Variants in RRM2 observed in about 807,000 individuals in gnomAD.
The protein encoded by RRM2 is ribonucleotide reductase regulatory subunit M2.
RRM2 carries 6 observed loss-of-function variants against 45.9 expected under a neutral mutation model. The ratio of observed to expected loss-of-function variants is 0.13; its 90% CI spans 0.07 to 0.26. RRM2 has a LOEUF of 0.26. RRM2 is among the 10% of genes least tolerant of loss of function. RRM2 has a pLI of 1.00. For missense variants in RRM2, 343 were observed against 489.5 expected, an observed-to-expected ratio of 0.70 and a Z score of 2.82; for synonymous variants, 177 against 173.0, an observed-to-expected ratio of 1.02 and a Z score of -0.18.
Position 10,123,757 on chromosome 2 carries a change from C to G in RRM2, c.340C>G (p.Gln114Glu), listed in dbSNP as rs779484966. The change falls in exon 4 of 10, where the codon CAG becomes GAG. Residue 114 changes from glutamine (Q) to glutamate (E), a missense_variant. Transcript: ENST00000304567. ...TCAGGTGGACCTCTCCAAGGACATT[C>G]AGCACTGGGAATCCCTGAAACCCGA... ...AEEVDLSKDIQHWESLKPEER... is the reference protein window; with the variant it reads ...AEEVDLSKDIEHWESLKPEER... 3 of 1,608,818 alleles carry G rather than the reference C, an allele frequency of 1.9e-6. No homozygotes were observed. The highest frequency in any genetic ancestry group is 1.1e-5 in the South Asian group (1 of 90,944).
chr2:10,131,007 T>A lies in RRM2; in HGVS notation c.*1621T>A, dbSNP rs1284645672. The A allele has an allele frequency of 6.6e-6, 1 of 152,242 alleles. No homozygotes were observed. The highest frequency in any genetic ancestry group is 2.4e-5 in the African/African-American group (1 of 41,466). 9.4% of individuals were successfully genotyped at this position (152,242 alleles called of 1,614,324 possible). On this transcript the variant is annotated 3_prime_UTR_variant, in exon 10 of 10. Transcript: ENST00000304567. ...ACATTGCATGAAAGATGATGAGAGA[T>A]AAATGTTGATCTTTTGGCCCCATTT... is the stretch of plus-strand genomic sequence containing the variant.
chr2:10,204,197 G>C lies in RRM2; in HGVS notation n.483-6114G>C, dbSNP rs1330123660. 1.3e-5 allele frequency among the ~76,000 whole-genome samples: 2 copies of C among 152,098 alleles called. No individual in the cohort carries two copies. The highest frequency in any genetic ancestry group is 2.9e-5 in the Non-Finnish European group (2 of 68,032). On this transcript the variant is annotated intron_variant and non_coding_transcript_variant, in intron 3 of 3. Coordinates refer to the RRM2 transcript ENST00000381786. This position sits in a 1 kb window ranked among gnomAD's most constrained non-coding sequence, Gnocchi z 4.0. Reference sequence around the variant, plus strand: ...GATAGACTTCTTTCACCTGGGGCCTGGCTTCGTCCAACAGCAGAGCCCAAC... The same window carrying C: ...GATAGACTTCTTTCACCTGGGGCCTCGCTTCGTCCAACAGCAGAGCCCAAC...
At chr2:10,202,416 A>G (rs1196873691) in intron 3 of RRM2, among the ~76,000 whole-genome samples, 1 of 152,240 alleles carries the variant, frequency 6.6e-6, no homozygotes, top group Non-Finnish European at 1.5e-5. Context: ...AAACATGAAA[A>G]GCGGCTCAAC....
At chr2:10,190,408 GTGA>G (rs1267687048) in intron 3 of RRM2, among the ~76,000 whole-genome samples, 1 of 140,584 alleles carries the variant, frequency 7.1e-6, no homozygotes, top group Non-Finnish European at 1.5e-5. Context: ...GGTGATGGTG[GTGA>G]TGGGGGGGTT....
rs998674791 is a variant in RRM2 at position 10,172,372 on chromosome 2, G to A, written n.482+29997G>A. On this transcript the variant is annotated intron_variant and non_coding_transcript_variant, in intron 3 of 3. Transcript: ENST00000381786. The surrounding 1 kb of genome is among the most constrained non-coding windows in gnomAD (Gnocchi z 4.9). Reference sequence around the variant, plus strand: ...TGACCCTGCTCCGGAGGGACCAGGGGAGGGGCGGACGGAGGACACTGCTTC... The same window carrying A: ...TGACCCTGCTCCGGAGGGACCAGGGAAGGGGCGGACGGAGGACACTGCTTC... Among the ~76,000 whole-genome samples, 2 of 152,148 alleles carry A rather than the reference G, an allele frequency of 1.3e-5. No homozygotes were observed. Among genetic ancestry groups the A allele is most frequent in the Non-Finnish European group, 2.9e-5 (2 of 68,016 alleles).
intron 3 of RRM2, among the ~76,000 whole-genome samples, chr2:10,142,981 C>G (rs558749425): frequency 6.6e-6 from 1 of 152,366 alleles, no homozygotes; most frequent in South Asian, 2.1e-4. Flanking sequence ...TCATGCCGTT[C>G]TCCGGCCTCA....
Position 10,127,770 on chromosome 2 carries a change from C to T in RRM2, c.798+550C>T, listed in dbSNP as rs1270738948. ...GTGCTGGGATTATAGGCATGAGCCA[C>T]CATGCCCAGCCAAAACTACAAGTTA... On this transcript the variant is annotated intron_variant, in intron 7 of 9. Transcript: ENST00000304567. This position sits in a 1 kb window ranked among gnomAD's most constrained non-coding sequence, Gnocchi z 4.1. Among the ~76,000 whole-genome samples, 1 of 152,044 alleles carries T rather than the reference C, an allele frequency of 6.6e-6. No individual in the cohort carries two copies. Among genetic ancestry groups the T allele is most frequent in the East Asian group, 1.9e-4 (1 of 5,166 alleles).
downstream of RRM2, among the ~76,000 whole-genome samples, chr2:10,132,552 GTCTT>G (rs1662921597): frequency 6.6e-6 from 1 of 152,138 alleles, no homozygotes; most frequent in African/African-American, 2.4e-5. Flanking sequence ...ATTTTTATCT[GTCTT>G]TATATTTATA....
At chr2:10,123,204 CT>C in intron 2 of RRM2, 147 bp downstream of exon 2, 1 of 1,280,852 alleles carries the variant, frequency 7.8e-7, no homozygotes, top group Non-Finnish European at 1.0e-6. Context: ...TCCCGCGCCC[CT>C]CGGCCCATTT....
In RRM2 at chr2:10,195,991, G is replaced by C. The variant is rs1055321254; in HGVS notation, n.483-14320G>C. Among the ~76,000 whole-genome samples the C allele has an allele frequency of 6.6e-6, 1 of 152,248 alleles. No individual in the cohort carries two copies. The highest frequency in any genetic ancestry group is 1.5e-5 in the Non-Finnish European group (1 of 68,042). The stretch of plus-strand genomic sequence containing the variant: ...AGCTGCAGCCGTCTTGCTACCAGCA[G>C]GGCAAGGCAGAGCCGGCCGCCCAGG... On this transcript the variant is annotated intron_variant and non_coding_transcript_variant, in intron 3 of 3. Transcript: ENST00000381786. This position sits in a 1 kb window ranked among gnomAD's most constrained non-coding sequence, Gnocchi z 4.9.
Position 10,123,737 on chromosome 2 carries a change from T to G in RRM2, c.320T>G (p.Val107Gly), listed in dbSNP as rs13400205. The change falls in exon 4 of 10, where the codon GTG becomes GGG. Residue 107 changes from valine to glycine, a missense_variant and splice_region_variant. Physicochemically the swap from Val to Gly is moderately radical, Grantham distance 109 (BLOSUM62 -3). Around this residue, in one of 2 missense-constraint regions of RRM2, gnomAD observed 212 missense variants for 368.1 expected, o/e 0.58. Transcript: ENST00000304567. ...AEASFWTAEE[V>G]DLSKDIQHWE... ...AAAATTGTGACTTCCGAACCTCAGG[T>G]GGACCTCTCCAAGGACATTCAGCAC... The G allele has an allele frequency of 3.2e-6, 5 of 1,583,234 alleles. No individual in the cohort carries two copies. Among genetic ancestry groups the G allele is most frequent in the Non-Finnish European group, 4.3e-6 (5 of 1,152,492 alleles).
At chr2:10,126,574 G>T (rs1306426944) in intron 5 of RRM2, 1 of 308,998 alleles carries the variant, frequency 3.2e-6, no homozygotes, top group South Asian at 1.3e-4. Context: ...AATTTTAAAG[G>T]CAACAAATGT....
chr2:10,176,476 C>T (rs891593561), intron 3 of RRM2, among the ~76,000 whole-genome samples: 4 of 152,158 alleles, frequency 2.6e-5, no homozygotes, highest in African/African-American at 9.7e-5. Flanking sequence ...CCATGTTGGT[C>T]AGGCTGGTCT....
chr2:10,179,290 T>TA (rs745620791), intron 3 of RRM2, among the ~76,000 whole-genome samples: 4 of 152,120 alleles, frequency 2.6e-5, no homozygotes, highest in Non-Finnish European at 2.9e-5. Context: ...TAGCTGGGAT[T>TA]ACAGCCACAT....
chr2:10,202,905 C>G (rs114952901), intron 3 of RRM2, among the ~76,000 whole-genome samples: 2 of 151,800 alleles, frequency 1.3e-5, no homozygotes, highest in Admixed American at 1.3e-4. Flanking sequence ...GCCGTTGGCC[C>G]GTTTTCTAAA....
chr2:10,200,803 A>T (rs1288547142), intron 3 of RRM2, among the ~76,000 whole-genome samples: 1 of 152,196 alleles, frequency 6.6e-6, no homozygotes, highest in East Asian at 1.9e-4. Flanking sequence ...ATTCCAGTCA[A>T]AGCCTTGCTA....
chr2:10,194,537 C>T (rs1383879931), intron 3 of RRM2, among the ~76,000 whole-genome samples: 4 of 152,242 alleles, frequency 2.6e-5, no homozygotes, highest in African/African-American at 7.2e-5. Flanking sequence ...CCTGGGCTAA[C>T]GGTGCACTTC....
upstream of RRM2, among the ~76,000 whole-genome samples, chr2:10,139,076 C>T (rs1016701059): frequency 1.6e-4 from 25 of 152,278 alleles, no homozygotes; most frequent in Admixed American, 2.0e-4. Context: ...CCATTGCACT[C>T]CAGCCTGGGT....
chr2:10,157,830 A>G (rs1329564521), intron 3 of RRM2, among the ~76,000 whole-genome samples: 2 of 152,224 alleles, frequency 1.3e-5, no homozygotes, highest in East Asian at 3.8e-4. Context: ...AACCCTGCCC[A>G]TAGGAACTGA....
Sources: gnomAD v4.1 joint callset for allele counts (sites outside exome capture counted in the v4.1 genomes callset) on GRCh38, gnomAD v4.1.1 for gene constraint, gnomAD v4.1.1 regional missense constraint, Gnocchi (gnomAD v3.1) non-coding constraint, MANE v1.5 for transcripts, NCBI Gene and HGNC (gene_info 2026-07-23, HGNC 2026-07-21) for gene names.